PCDHA1: variants seen among roughly 807,000 people sequenced by gnomAD.
The protein encoded by PCDHA1 is protocadherin alpha-1.
PCDHA1 carries 42 observed loss-of-function variants against 61.3 expected under a neutral mutation model. The observed-to-expected ratio is 0.69, with a 90% CI of 0.54 to 0.89. PCDHA1 has a LOEUF of 0.89. Among genes scored for constraint, PCDHA1 ranks in the 40% least tolerant of loss-of-function variants. The pLI is 0.00. For synonymous variants in PCDHA1, 610 were observed against 553.8 expected (o/e 1.10, Z -1.43); for missense variants, 1,256 against 1,235.3 (o/e 1.02, Z -0.25).
intron 1 of PCDHA1, among the ~76,000 whole-genome samples, chr5:140,833,361 T>G (rs1376018154): frequency 1.3e-5 from 2 of 152,142 alleles, no homozygotes; most frequent in African/African-American, 2.4e-5. Flanking sequence ...ACGAACACAG[T>G]AAGGTAGATC....
intron 1 of PCDHA1, among the ~76,000 whole-genome samples, chr5:140,939,224 C>T (rs761211778): frequency 8.5e-5 from 13 of 152,130 alleles, no homozygotes; most frequent in Admixed American, 4.6e-4. Context: ...TGTCTCTTCA[C>T]CTTCTGGAAG....
chr5:140,884,821 G>T (rs1470699415), intron 1 of PCDHA1: 1 of 1,011,638 alleles, frequency 9.9e-7, no homozygotes, highest in Admixed American at 3.4e-5. Context: ...TGGACATTAT[G>T]TGTTGGATTA....
intron 1 of PCDHA1, among the ~76,000 whole-genome samples, chr5:140,959,119 G>A (rs576475580): frequency 3.3e-5 from 5 of 152,160 alleles, no homozygotes; most frequent in East Asian, 3.9e-4. Context: ...GAAGGTGGGC[G>A]AGGTGAGCCC....
chr5:140,824,313 A>G (rs2150134040), intron 1 of PCDHA1: 2 of 757,082 alleles, frequency 2.6e-6, no homozygotes, highest in Middle Eastern at 4.8e-4. Flanking sequence ...TAATAGATTC[A>G]TCAGCTTTCT....
intron 1 of PCDHA1, among the ~76,000 whole-genome samples, chr5:140,890,373 T>A (rs868994302): frequency 2.4e-4 from 37 of 152,196 alleles, no homozygotes; most frequent in African/African-American, 7.5e-4. Context: ...CCTGAACAAG[T>A]ACTCTTTCTT....
intron 1 of PCDHA1, among the ~76,000 whole-genome samples, chr5:140,799,988 C>T (rs1482580304): frequency 6.6e-6 from 1 of 152,064 alleles, no homozygotes; most frequent in East Asian, 1.9e-4. Context: ...TGAGTAAATA[C>T]TGGCTTATGT....
At chr5:140,802,182 C>T in intron 1 of PCDHA1, 2 of 1,614,192 alleles carry the variant, frequency 1.2e-6, no homozygotes, top group African/African-American at 1.3e-5. Context: ...AGGAAATCCC[C>T]CAATGTCAGA....
intron 1 of PCDHA1, chr5:140,878,013 G>A (rs1554170262): frequency 2.4e-6 from 2 of 839,000 alleles, no homozygotes; most frequent in South Asian, 2.6e-5. Context: ...TAACATTAAT[G>A]AAGGAAATAT....
chr5:140,927,848 G>A (rs1295513512), intron 1 of PCDHA1: 3 of 1,614,062 alleles, frequency 1.9e-6, no homozygotes, highest in Non-Finnish European at 2.5e-6. Context: ...GGTGTCTTTG[G>A]TTTAGCTAGC....
At position 140,967,914 on chromosome 5, in the gene PCDHA1, T is replaced by C. The variant is rs1376293284; in HGVS notation, c.2395-11035T>C. On this transcript the variant is annotated intron_variant, in intron 1 of 3. Coordinates refer to ENST00000504120, the MANE Select transcript of PCDHA1 (RefSeq NM_018900.4). ...CCTGAGAATGCTACACCCAACACCA[T>C]TGTGGCCGTTCTCAGTGTCAATGAC... 1.2e-5 allele frequency: 20 copies of C among 1,614,060 alleles called. No individual in the cohort carries two copies. The highest frequency in any genetic ancestry group is 3.3e-5 in the South Asian group (3 of 91,086).
chr5:140,824,316 A>T (rs1482945838), intron 1 of PCDHA1: 2 of 744,252 alleles, frequency 2.7e-6, no homozygotes, highest in African/African-American at 3.5e-5. Flanking sequence ...TAGATTCATC[A>T]GCTTTCTGTG....
chr5:140,857,243 A>G (rs2044443964), intron 1 of PCDHA1: 1 of 1,598,366 alleles, frequency 6.3e-7, no homozygotes, highest in African/African-American at 1.3e-5. Flanking sequence ...GCTGGTGTCC[A>G]CCTACAAGAA....
chr5:140,822,803 A>G (rs2150119439), intron 1 of PCDHA1: 1 of 1,614,190 alleles, frequency 6.2e-7, no homozygotes, highest in Admixed American at 1.7e-5. Flanking sequence ...CTGGATGTGA[A>G]TGATAATACC....
chr5:140,897,964 T>A (rs1554187709), intron 1 of PCDHA1, among the ~76,000 whole-genome samples: 1 of 152,236 alleles, frequency 6.6e-6, no homozygotes, highest in South Asian at 2.1e-4. Flanking sequence ...TTTTCATGTG[T>A]CTTTTGGCTG....
intron 1 of PCDHA1, chr5:140,868,939 G>T (rs2050745278): frequency 1.6e-6 from 2 of 1,242,994 alleles, no homozygotes; most frequent in African/African-American, 1.5e-5. Context: ...AGGTTGGTCT[G>T]AACAGTGAGG....
intron 1 of PCDHA1, chr5:140,883,843 C>G: frequency 6.2e-7 from 1 of 1,612,786 alleles, no homozygotes; most frequent in Non-Finnish European, 8.5e-7. Context: ...CGTTGGACCA[C>G]GAGGAGCTGG....
chr5:140,993,346 G>A (rs2097551194), intron 3 of PCDHA1, among the ~76,000 whole-genome samples: 2 of 151,820 alleles, frequency 1.3e-5, no homozygotes, highest in Non-Finnish European at 1.5e-5. Context: ...AGGGCACTAC[G>A]AAGATCCTCA....
intron 1 of PCDHA1, chr5:140,848,611 C>A (rs2150414621): frequency 6.3e-7 from 1 of 1,593,572 alleles, no homozygotes; most frequent in African/African-American, 1.3e-5. Flanking sequence ...CCGGAGGAAG[C>A]CGAACACGGC....
At chr5:140,967,346 G>A (rs1332345482) in intron 1 of PCDHA1, 1 of 1,607,970 alleles carries the variant, frequency 6.2e-7, no homozygotes, top group Non-Finnish European at 8.5e-7. Flanking sequence ...CGAGCACTTC[G>A]AGCTGGACCT....
Sources: gnomAD v4.1 joint callset for allele counts (sites outside exome capture counted in the v4.1 genomes callset) on GRCh38, gnomAD v4.1.1 for gene constraint, MANE v1.5 for transcripts, NCBI Gene and HGNC (gene_info 2026-07-23, HGNC 2026-07-21) for gene names.